Variants in TTC3 observed in about 807,000 individuals in gnomAD.
TTC3 encodes the protein E3 ubiquitin-protein ligase TTC3.
In TTC3, 180 loss-of-function variants were observed where a neutral mutation model predicts 249.6. The ratio of observed to expected loss-of-function variants is 0.72; its 90% CI spans 0.64 to 0.82. TTC3 has a LOEUF of 0.82. Among genes scored for constraint, TTC3 ranks in the 40% least tolerant of loss-of-function variants. The probability of loss-of-function intolerance (pLI) is 0.00; values close to 1 mark genes in which losing one functional copy is unlikely to be tolerated. For missense variants in TTC3, 2,061 were observed against 2,398.4 expected, an observed-to-expected ratio of 0.86 and a Z score of 2.94; for synonymous variants, 717 against 805.0, an observed-to-expected ratio of 0.89 and a Z score of 1.85.
intron 34 of TTC3, among the ~76,000 whole-genome samples, chr21:37,169,867 A>G (rs1386626031): frequency 6.6e-6 from 1 of 151,762 alleles, no homozygotes; most frequent in Non-Finnish European, 1.5e-5. Context: ...AAAACAAAAA[A>G]CAAAACCGAA....
intron 27 of TTC3, 61 bp from the exon 28 acceptor site, chr21:37,156,594 A>G: frequency 6.5e-7 from 1 of 1,545,336 alleles, no homozygotes; most frequent in Non-Finnish European, 8.7e-7. Flanking sequence ...GTGAAACTAA[A>G]TGTGATTTTA....
intron 36 of TTC3, among the ~76,000 whole-genome samples, chr21:37,183,528 G>A (rs1050639178): frequency 6.6e-6 from 1 of 152,064 alleles, no homozygotes; most frequent in Non-Finnish European, 1.5e-5. Context: ...TTTATTAGCA[G>A]CCATTGTATT....
chr21:37,156,618 C>A, intron 27 of TTC3, 37 bp from the exon 28 acceptor site: 1 of 1,571,402 alleles, frequency 6.4e-7, no homozygotes. Flanking sequence ...TAAATAATTT[C>A]CCTCCTCTTC....
At chr21:37,121,837 T>C in exon 12 of TTC3, 1 of 1,604,396 alleles carries the variant, frequency 6.2e-7, no homozygotes, top group Non-Finnish European at 8.5e-7. Flanking sequence ...GTTATTGTGA[T>C]GCTCTTTCTA....
At chr21:37,144,420 A>G (rs1483395954) in intron 20 of TTC3, 105 bp from the exon 21 acceptor site, 1 of 1,331,218 alleles carries the variant, frequency 7.5e-7, no homozygotes, top group Admixed American at 2.4e-5. Flanking sequence ...TCAGTGATTC[A>G]TCAAATGTAT....
intron 1 of TTC3, among the ~76,000 whole-genome samples, chr21:37,078,042 T>C (rs146080131): frequency 1.3e-5 from 2 of 152,300 alleles, no homozygotes; most frequent in East Asian, 1.9e-4. Flanking sequence ...GTGATCCACA[T>C]TGATTTTTTT....
At chr21:37,187,503 T>C (rs1454072014) in intron 38 of TTC3, among the ~76,000 whole-genome samples, 1 of 152,178 alleles carries the variant, frequency 6.6e-6, no homozygotes, top group African/African-American at 2.4e-5. Context: ...TGCCAATACT[T>C]GGAAAGGAAC....
At chr21:37,082,445 A>G (rs2071827470) in intron 1 of TTC3, 1 of 978,138 alleles carries the variant, frequency 1.0e-6, no homozygotes, top group South Asian at 4.7e-5. Context: ...TTGAGAGTCT[A>G]ATTTGAGGAT....
intron 10 of TTC3, among the ~76,000 whole-genome samples, chr21:37,105,114 T>C (rs1030971519): frequency 1.3e-5 from 2 of 152,194 alleles, no homozygotes; most frequent in African/African-American, 2.4e-5. Context: ...TGTTGGCTAC[T>C]GAGAAGCCAG....
chr21:37,160,983 C>G (rs1227314424), intron 30 of TTC3, 125 bp downstream of exon 30: 2 of 936,850 alleles, frequency 2.1e-6, no homozygotes, highest in East Asian at 6.1e-5. Flanking sequence ...CTTTCTAGGA[C>G]TTAAAGATGT....
intron 11 of TTC3, among the ~76,000 whole-genome samples, chr21:37,115,095 G>A (rs2076016378): frequency 6.6e-6 from 1 of 151,436 alleles, no homozygotes; most frequent in African/African-American, 2.4e-5. Flanking sequence ...CGAGTTAATG[G>A]GTGCAGCACA....
At chr21:37,168,674 C>A (rs1021277745) in intron 34 of TTC3, among the ~76,000 whole-genome samples, 2 of 152,130 alleles carry the variant, frequency 1.3e-5, no homozygotes, top group Non-Finnish European at 2.9e-5. Context: ...CCAGTATATA[C>A]ATGAACAGGG....
intron 22 of TTC3, among the ~76,000 whole-genome samples, chr21:37,148,159 G>T (rs1022533937): frequency 1.7e-4 from 26 of 152,162 alleles, no homozygotes; most frequent in African/African-American, 6.0e-4. Context: ...ACCTTAGGAG[G>T]ATAGGAAACA....
At chr21:37,112,566 A>C (rs2075770771) in intron 11 of TTC3, among the ~76,000 whole-genome samples, 1 of 152,198 alleles carries the variant, frequency 6.6e-6, no homozygotes, top group Non-Finnish European at 1.5e-5. Context: ...ACCAATCAAA[A>C]AAAGTCCGGA....
chr21:37,155,839 C>T (rs2080006760), intron 27 of TTC3, among the ~76,000 whole-genome samples: 1 of 152,076 alleles, frequency 6.6e-6, no homozygotes, highest in Admixed American at 6.6e-5. Context: ...GGTGAGGACC[C>T]ACATTTTGGG....
chr21:37,144,147 A>T (rs2078764927), intron 20 of TTC3, among the ~76,000 whole-genome samples: 1 of 151,910 alleles, frequency 6.6e-6, no homozygotes, highest in Non-Finnish European at 1.5e-5. Flanking sequence ...AAGGTAAAGG[A>T]CCAGTTAATG....
intron 9 of TTC3, 23 bp downstream of exon 9, chr21:37,095,467 A>G (rs1391080020): frequency 1.4e-6 from 2 of 1,464,688 alleles, no homozygotes; most frequent in Non-Finnish European, 1.9e-6. Context: ...AGAACAAAAG[A>G]GATGCTTTTT....
chr21:37,085,403 T>C (rs991674594), intron 1 of TTC3, among the ~76,000 whole-genome samples: 1 of 152,220 alleles, frequency 6.6e-6, no homozygotes, highest in African/African-American at 2.4e-5. Flanking sequence ...AGGTCATTAA[T>C]GATCCTAATG....
chr21:37,081,083 A>G (rs1329146712), intron 1 of TTC3, among the ~76,000 whole-genome samples: 1 of 148,690 alleles, frequency 6.7e-6, no homozygotes, highest in Non-Finnish European at 1.5e-5. Flanking sequence ...TGCTTATACA[A>G]AGTGTGCTGC....
Sources: allele counts gnomAD v4.1 joint callset (sites outside exome capture counted in the v4.1 genomes callset), GRCh38; gene constraint gnomAD v4.1.1; transcripts MANE v1.5; gene names NCBI Gene and HGNC (gene_info 2026-07-23, HGNC 2026-07-21).